LMX1A: variants seen among roughly 807,000 people sequenced by gnomAD.
LMX1A encodes the protein LIM homeobox transcription factor 1 alpha, also known as LIM homeobox transcription factor 1-alpha.
A neutral mutation model predicts 49.1 loss-of-function variants in LMX1A; 15 were observed. The ratio of observed to expected loss-of-function variants is 0.31; its 90% CI spans 0.20 to 0.47. The LOEUF (loss-of-function observed/expected upper bound fraction) is 0.47. LMX1A is among the 20% of genes least tolerant of loss of function. The pLI is 1.00. For synonymous variants in LMX1A, 167 were observed against 185.7 expected (o/e 0.90, Z 0.82); for missense variants, 372 against 475.8 (o/e 0.78, Z 2.03).
intron 3 of LMX1A, among the ~76,000 whole-genome samples, chr1:165,327,042 C>T (rs1045052053): frequency 1.1e-4 from 17 of 152,126 alleles, no homozygotes; most frequent in African/African-American, 4.1e-4. Context: ...AACTCAATTA[C>T]CTTGAAATTT....
chr1:165,231,126 T>C (rs1403645315), intron 4 of LMX1A, among the ~76,000 whole-genome samples: 10 of 151,916 alleles, frequency 6.6e-5, no homozygotes, highest in Non-Finnish European at 1.5e-4. Flanking sequence ...TTTTAAGTGA[T>C]GGTTCTCAAT....
At chr1:165,211,039 C>A in intron 5 of LMX1A, 1 of 348,876 alleles carries the variant, frequency 2.9e-6, no homozygotes. Context: ...TTCTCTTGCT[C>A]TGGAAATTAG....
At chr1:165,252,558 T>A (rs939280507) in intron 3 of LMX1A, among the ~76,000 whole-genome samples, 2 of 152,240 alleles carry the variant, frequency 1.3e-5, no homozygotes, top group African/African-American at 4.8e-5. Flanking sequence ...AAGAGGTTTT[T>A]TTCTTTTTAA....
chr1:165,351,151 C>A (rs1455123135), intron 3 of LMX1A, among the ~76,000 whole-genome samples: 1 of 149,222 alleles, frequency 6.7e-6, no homozygotes, highest in Non-Finnish European at 1.5e-5. Flanking sequence ...GACCCTTAAG[C>A]CTTCTTTGAT....
intron 3 of LMX1A, among the ~76,000 whole-genome samples, chr1:165,262,811 G>A (rs1364229064): frequency 6.6e-6 from 1 of 151,008 alleles, no homozygotes; most frequent in African/African-American, 2.4e-5. Context: ...TTATCTGATG[G>A]CCTTTGTAGA....
intron 3 of LMX1A, among the ~76,000 whole-genome samples, chr1:165,287,501 G>C (rs986953604): frequency 5.3e-5 from 8 of 152,102 alleles, no homozygotes; most frequent in Non-Finnish European, 1.2e-4. Flanking sequence ...GAATTCTTTT[G>C]TTCCTTTGTG....
intron 3 of LMX1A, among the ~76,000 whole-genome samples, chr1:165,256,439 C>T (rs1426446246): frequency 6.6e-6 from 1 of 152,122 alleles, no homozygotes; most frequent in Non-Finnish European, 1.5e-5. Flanking sequence ...TTTCCTAGGT[C>T]TCCACACACT....
chr1:165,255,370 T>C (rs1653200526), intron 3 of LMX1A, among the ~76,000 whole-genome samples: 1 of 152,228 alleles, frequency 6.6e-6, no homozygotes, highest in Admixed American at 6.5e-5. Flanking sequence ...ATGCCTTGCT[T>C]ACATCTCTTC....
intron 4 of LMX1A, among the ~76,000 whole-genome samples, chr1:165,248,030 T>C (rs1652921067): frequency 6.6e-6 from 1 of 152,222 alleles, no homozygotes; most frequent in South Asian, 2.1e-4. Flanking sequence ...ACATACACTG[T>C]CCTTCACACA....
chr1:165,219,484 G>A (rs906095533), intron 4 of LMX1A, among the ~76,000 whole-genome samples: 22 of 152,146 alleles, frequency 1.4e-4, no homozygotes, highest in African/African-American at 4.8e-4. Context: ...AATTTATGAA[G>A]ACAGGATATA....
chr1:165,341,257 A>G (rs2101762588), intron 3 of LMX1A, among the ~76,000 whole-genome samples: 2 of 152,310 alleles, frequency 1.3e-5, no homozygotes, highest in East Asian at 3.9e-4. Flanking sequence ...CACCATGTCC[A>G]TGACCAGTGA....
intron 3 of LMX1A, among the ~76,000 whole-genome samples, chr1:165,293,782 C>T (rs1654543437): frequency 1.3e-5 from 2 of 152,160 alleles, no homozygotes; most frequent in Admixed American, 1.3e-4. Flanking sequence ...TGACCAGCCT[C>T]CCTCAGGCCC....
At chr1:165,343,727 A>G (rs1428940814) in intron 3 of LMX1A, among the ~76,000 whole-genome samples, 1 of 152,202 alleles carries the variant, frequency 6.6e-6, no homozygotes, top group Admixed American at 6.5e-5. Flanking sequence ...AATAAAGCCC[A>G]TAAGAAAAAA....
At chr1:165,325,273 T>A (rs115850026) in intron 3 of LMX1A, among the ~76,000 whole-genome samples, 4,008 of 152,306 alleles carry the variant, frequency 0.026, 165 homozygotes, top group African/African-American at 0.085. Flanking sequence ...TTGGATTATC[T>A]GTACTAGTGA....
At chr1:165,351,946 C>T (rs1053884929) in intron 3 of LMX1A, among the ~76,000 whole-genome samples, 2 of 152,228 alleles carry the variant, frequency 1.3e-5, no homozygotes, top group Admixed American at 6.5e-5. Context: ...AATGCTGTCC[C>T]TTTCATTCAC....
rs577970533 is a variant in LMX1A, at chr1:165,226,040, C to T, written c.497-12227G>A. On this transcript the variant is annotated intron_variant, in intron 4 of 8. Transcript: ENST00000342310. ...TGGAAACTTTTTTTTTTACAACCATCTTTTCCTCTTTAAAAATAATGGTAT... is the reference window on the plus strand; with the variant it reads ...TGGAAACTTTTTTTTTTACAACCATTTTTTCCTCTTTAAAAATAATGGTAT... Among the ~76,000 whole-genome samples, 18 of 151,620 alleles carry T rather than the reference C, an allele frequency of 1.2e-4. No individual in the cohort carries two copies. The South Asian group carries it at 3.7e-3, about 32-fold the overall frequency.
chr1:165,243,935 G>A (rs1652751665), intron 4 of LMX1A, among the ~76,000 whole-genome samples: 2 of 152,280 alleles, frequency 1.3e-5, no homozygotes, highest in South Asian at 4.1e-4. Context: ...TTTCAGGATG[G>A]GGGCTGGTCA....
intron 4 of LMX1A, among the ~76,000 whole-genome samples, chr1:165,221,255 T>G (rs894954574): frequency 6.6e-6 from 1 of 151,514 alleles, no homozygotes; most frequent in African/African-American, 2.4e-5. Context: ...TATTAAAGAG[T>G]GAAGAAAGAA....
chr1:165,354,505 C>T (rs543090640), intron 2 of LMX1A, among the ~76,000 whole-genome samples: 1 of 152,110 alleles, frequency 6.6e-6, no homozygotes, highest in African/African-American at 2.4e-5. Context: ...CGCTCTCTTC[C>T]GAGGCTGGGC....
Sources: allele counts gnomAD v4.1 joint callset (sites outside exome capture counted in the v4.1 genomes callset), GRCh38; gene constraint gnomAD v4.1.1; transcripts MANE v1.5; gene names NCBI Gene and HGNC (gene_info 2026-07-23, HGNC 2026-07-21).